PRKN: variants seen among roughly 807,000 people sequenced by gnomAD.
PRKN encodes the protein parkin RBR E3 ubiquitin protein ligase.
Under a neutral mutation model 59.5 loss-of-function variants are expected in PRKN, and 56 were observed. That is an observed-to-expected ratio of 0.94 (90% CI 0.76 to 1.18). The LOEUF is 1.18. Ranked by LOEUF, PRKN falls within the 50% of genes most tolerant of loss-of-function variation. The pLI is 0.00. For synonymous variants in PRKN, 250 were observed against 222.1 expected (o/e 1.13, Z -1.12); for missense variants, 657 against 596.4 (o/e 1.10, Z -1.06).
At chr6:162,541,970 G>A (rs559181757) in intron 1 of PRKN, among the ~76,000 whole-genome samples, 3 of 152,200 alleles carry the variant, frequency 2.0e-5, no homozygotes, top group South Asian at 2.1e-4. Context: ...AATGATTCCT[G>A]TGCCCTTGGG....
At chr6:162,647,544 TAAG>T (rs746521933) in intron 1 of PRKN, among the ~76,000 whole-genome samples, 2 of 152,148 alleles carry the variant, frequency 1.3e-5, no homozygotes, top group Non-Finnish European at 2.9e-5. Context: ...GAGAGGTAGT[TAAG>T]AAAGTTTGGC....
chr6:162,643,632 C>G (rs1309733956), intron 1 of PRKN, among the ~76,000 whole-genome samples: 1 of 151,998 alleles, frequency 6.6e-6, no homozygotes, highest in Non-Finnish European at 1.5e-5. Flanking sequence ...AAGTTTATCA[C>G]TCACCTCTAA....
At chr6:162,472,950 T>C (rs920451101) in intron 1 of PRKN, among the ~76,000 whole-genome samples, 1 of 151,782 alleles carries the variant, frequency 6.6e-6, no homozygotes, top group South Asian at 2.1e-4. Flanking sequence ...GTTTTGGAAT[T>C]TGGTGACTTG....
At chr6:162,247,014 T>C (rs12203547) in intron 3 of PRKN, among the ~76,000 whole-genome samples, 3,752 of 152,166 alleles carry the variant, frequency 0.025, 60 homozygotes, top group Non-Finnish European at 0.036. Context: ...CCTTTAGTTA[T>C]ACATACTATA....
chr6:161,519,388 A>G (rs1453622302), intron 9 of PRKN, among the ~76,000 whole-genome samples: 1 of 151,600 alleles, frequency 6.6e-6, no homozygotes, highest in Non-Finnish European at 1.5e-5. Flanking sequence ...ACTCTGCAGG[A>G]TGGGCACTAA....
chr6:162,090,867 G>C (rs1779464659), intron 4 of PRKN, among the ~76,000 whole-genome samples: 1 of 152,174 alleles, frequency 6.6e-6, no homozygotes, highest in Non-Finnish European at 1.5e-5. Flanking sequence ...ATGATTCATA[G>C]TGAACATGAA....
At chr6:161,822,002 C>T (rs969581166) in intron 6 of PRKN, among the ~76,000 whole-genome samples, 5 of 151,728 alleles carry the variant, frequency 3.3e-5, no homozygotes, top group Non-Finnish European at 5.9e-5. Flanking sequence ...ACCTGCCTGG[C>T]CCCTGGCATC....
intron 6 of PRKN, among the ~76,000 whole-genome samples, chr6:161,805,465 C>CAA (rs1791272386): frequency 2.4e-5 from 1 of 41,864 alleles, no homozygotes; most frequent in Non-Finnish European, 8.1e-5. Flanking sequence ...CACACACACA[C>CAA]ACACACACAC....
rs1387724338 is a variant in PRKN, at chr6:161,874,835, T to C, written c.735-88927A>G. The stretch of plus-strand genomic sequence containing the variant: ...TAAAATGTATAATATATAAAATGTA[T>C]AATATATAAAATATATAAAATATAT... On this transcript the variant is annotated intron_variant, in intron 6 of 11. Coordinates refer to ENST00000366898, the MANE Select transcript of PRKN (RefSeq NM_004562.3). 1.4e-3 allele frequency among the ~76,000 whole-genome samples: 144 copies of C among 102,590 alleles called. 6 individuals carry two copies. The highest frequency in any genetic ancestry group is 5.5e-3 in the African/African-American group (127 of 23,258). The allele number at this position is 102,590 out of a possible 152,430, so 67.3% of individuals were successfully genotyped here.
At chr6:162,216,516 G>C (rs1000342180) in intron 3 of PRKN, among the ~76,000 whole-genome samples, 1 of 114,670 alleles carries the variant, frequency 8.7e-6, no homozygotes, top group Admixed American at 1.4e-4. Flanking sequence ...CGGCCTGGGC[G>C]ACAGAGCGAG....
intron 2 of PRKN, among the ~76,000 whole-genome samples, chr6:162,401,354 T>A (rs1787786159): frequency 6.6e-6 from 1 of 152,146 alleles, no homozygotes; most frequent in East Asian, 1.9e-4. Context: ...TATATCACCA[T>A]AAATTCATTG....
At chr6:162,709,920 G>T (rs781363883) in intron 1 of PRKN, among the ~76,000 whole-genome samples, 1 of 152,026 alleles carries the variant, frequency 6.6e-6, no homozygotes, top group Non-Finnish European at 1.5e-5. Context: ...TGGGAATAAG[G>T]GTCCCTACTG....
intron 3 of PRKN, among the ~76,000 whole-genome samples, chr6:162,228,860 T>C (rs1326938379): frequency 1.3e-5 from 2 of 152,180 alleles, no homozygotes; most frequent in Non-Finnish European, 2.9e-5. Context: ...TGGACTCAAG[T>C]ACCATCACTA....
chr6:162,354,763 T>A (rs1005686907), intron 2 of PRKN, among the ~76,000 whole-genome samples: 2 of 152,112 alleles, frequency 1.3e-5, no homozygotes, highest in African/African-American at 4.8e-5. Flanking sequence ...TTACTCTTTG[T>A]ATTATTTGTC....
intron 2 of PRKN, among the ~76,000 whole-genome samples, chr6:162,359,642 T>A (rs957001512): frequency 6.6e-6 from 1 of 152,028 alleles, no homozygotes; most frequent in Admixed American, 6.6e-5. Context: ...TTCCTGCATT[T>A]GAGGCAGCTA....
chr6:161,879,095 T>G (rs1794836122), intron 6 of PRKN, among the ~76,000 whole-genome samples: 1 of 152,124 alleles, frequency 6.6e-6, no homozygotes, highest in South Asian at 2.1e-4. Flanking sequence ...CTCTCCAGAT[T>G]CTATATTTTC....
rs6912497 is a variant in PRKN at position 161,860,086 on chromosome 6, T to C, written c.735-74178A>G. ...CACAAATCAAAGTCTCATCTATTAG[T>C]GTATAATAGTAAGTTTACAGTTTTA... is the stretch of plus-strand genomic sequence containing the variant. On this transcript the variant is annotated intron_variant, in intron 6 of 11. Coordinates refer to ENST00000366898, the MANE Select transcript of PRKN (RefSeq NM_004562.3). Among the ~76,000 whole-genome samples, 706 of 152,254 alleles carry C rather than the reference T, an allele frequency of 4.6e-3. 3 individuals are homozygous for C. The highest frequency in any genetic ancestry group is 0.016 in the African/African-American group (684 of 41,544).
intron 1 of PRKN, among the ~76,000 whole-genome samples, chr6:162,497,380 G>A (rs774687459): frequency 1.3e-5 from 2 of 152,314 alleles, no homozygotes; most frequent in Non-Finnish European, 2.9e-5. Flanking sequence ...ATTACATAAA[G>A]TATCAGGTGT....
Position 161,488,111 on chromosome 6 carries a change from G to A in PRKN, c.1083+60743C>T, listed in dbSNP as rs192237759. Among the ~76,000 whole-genome samples, 22 of 152,336 alleles carry A rather than the reference G, an allele frequency of 1.4e-4. No individual in the cohort carries two copies. The highest frequency in any genetic ancestry group is 1.4e-3 in the Admixed American group (22 of 15,302). On this transcript the variant is annotated intron_variant, in intron 9 of 11. Coordinates refer to ENST00000366898, the MANE Select transcript of PRKN (RefSeq NM_004562.3). The surrounding 1 kb of genome is among the most constrained non-coding windows in gnomAD (Gnocchi z 4.5). ...TGAGATCGTGCAGTGGTTGGGGAAG[G>A]CATGGTCTAAGCAGGCCTCTCCTGG...
Sources: allele counts gnomAD v4.1 joint callset (sites outside exome capture counted in the v4.1 genomes callset), GRCh38; gene constraint gnomAD v4.1.1; non-coding constraint Gnocchi (gnomAD v3.1); transcripts MANE v1.5; gene names NCBI Gene and HGNC (gene_info 2026-07-23, HGNC 2026-07-21).